RPS6KA6: variants seen among roughly 807,000 people sequenced by gnomAD.
RPS6KA6 encodes the protein ribosomal protein S6 kinase A6.
A neutral mutation model predicts 65.4 loss-of-function variants in RPS6KA6; 27 were observed. That is an observed-to-expected ratio of 0.41 (90% CI 0.30 to 0.57). The LOEUF (loss-of-function observed/expected upper bound fraction) is 0.57, where lower values mean the gene tolerates loss of function less well. Among genes scored for constraint, RPS6KA6 ranks in the 20% least tolerant of loss-of-function variants. The pLI, the probability that RPS6KA6 is intolerant of heterozygous loss-of-function variation, is 0.24. For missense variants in RPS6KA6, 486 were observed against 555.6 expected (o/e 0.87, Z 1.26); for synonymous variants, 190 against 184.2 (o/e 1.03, Z -0.26).
chrX:84,122,792 G>A (rs993857371), intron 8 of RPS6KA6, among the ~76,000 whole-genome samples: 49 of 111,218 alleles, frequency 4.4e-4, no homozygotes, highest in Non-Finnish European at 7.2e-4. Context: ...GCAATTCCTA[G>A]GCAACTACTA....
chrX:84,085,183 T>C (rs2033891641), intron 20 of RPS6KA6, among the ~76,000 whole-genome samples: 2 of 111,318 alleles, frequency 1.8e-5, no homozygotes, highest in African/African-American at 6.5e-5. Context: ...TGAATACCCT[T>C]TATTTTGTTC....
intron 2 of RPS6KA6, among the ~76,000 whole-genome samples, chrX:84,163,469 C>G (rs2035547137): frequency 9.5e-6 from 1 of 105,762 alleles, no homozygotes; most frequent in Non-Finnish European, 1.9e-5. Flanking sequence ...GAAACCCCGT[C>G]TCTACTAAAA....
At position 84,105,702 on chromosome X, in the gene RPS6KA6, G is replaced by A. The variant is rs927727806; in HGVS notation, c.1455+85C>T. ...GAGGCATGAAAATAAATATGCTAAA[G>A]ACATTAAAAGTTTCAATAAGAAAAA... is the stretch of plus-strand genomic sequence containing the variant. On this transcript the variant is annotated intron_variant, in intron 16 of 21. Coordinates refer to ENST00000262752, the MANE Select transcript of RPS6KA6 (RefSeq NM_014496.5). 21 of 513,084 alleles carry A rather than the reference G, an allele frequency of 4.1e-5. No homozygotes were observed. In the African/African-American group the frequency reaches 5.1e-4, roughly 12 times the overall value. The allele number at this position is 513,084 out of a possible 1,213,427, so 42.3% of individuals were successfully genotyped here.
intron 1 of RPS6KA6, among the ~76,000 whole-genome samples, chrX:84,174,422 A>T (rs771335540): frequency 1.8e-5 from 2 of 111,808 alleles, no homozygotes; most frequent in African/African-American, 3.3e-5. Flanking sequence ...GTTTCAAATC[A>T]ATTTAAAAGA....
chrX:84,111,163 T>A, intron 12 of RPS6KA6, among the ~76,000 whole-genome samples: 1 of 66,002 alleles, frequency 1.5e-5, no homozygotes, highest in East Asian at 3.0e-4. Context: ...AAATAATTTT[T>A]AAAAAATGAA....
At chrX:84,122,213 G>A (rs2034684015) in intron 8 of RPS6KA6, among the ~76,000 whole-genome samples, 1 of 111,223 alleles carries the variant, frequency 9.0e-6, no homozygotes, top group Non-Finnish European at 1.9e-5. Context: ...CATGCAGTGA[G>A]GAGAGTCTTT....
At chrX:84,098,340 C>A (rs1363609079) in intron 18 of RPS6KA6, among the ~76,000 whole-genome samples, 1 of 110,934 alleles carries the variant, frequency 9.0e-6, no homozygotes, top group Non-Finnish European at 1.9e-5. Context: ...TATATTTTAC[C>A]ATACAAGGTC....
chrX:84,120,920 C>T (rs1355056580), intron 8 of RPS6KA6, among the ~76,000 whole-genome samples: 1 of 111,908 alleles, frequency 8.9e-6, no homozygotes, highest in African/African-American at 3.2e-5. Flanking sequence ...TACTATAAAG[C>T]TACGGTAATC....
At chrX:84,072,642 T>C (rs2033570022) in intron 20 of RPS6KA6, among the ~76,000 whole-genome samples, 1 of 112,096 alleles carries the variant, frequency 8.9e-6, no homozygotes, top group African/African-American at 3.2e-5. Context: ...ATCTTATTTA[T>C]AGAAAACACT....
At chrX:84,065,167 T>C in intron 20 of RPS6KA6, 56 bp from the exon 21 acceptor site, 1 of 872,008 alleles carries the variant, frequency 1.1e-6, no homozygotes, top group Non-Finnish European at 1.6e-6. Flanking sequence ...TACATAATTT[T>C]ACATTTGCTG....
At chrX:84,186,994 C>T (rs1483739958) in intron 1 of RPS6KA6, 1 of 112,099 alleles carries the variant, frequency 8.9e-6, no homozygotes, top group African/African-American at 3.2e-5. Flanking sequence ...CCAACCAGAA[C>T]AGTTTCAGAG....
chrX:84,082,179 T>C (rs540743226), intron 20 of RPS6KA6, among the ~76,000 whole-genome samples: 2 of 111,915 alleles, frequency 1.8e-5, no homozygotes, highest in East Asian at 2.8e-4. Context: ...GATGACATTA[T>C]TGTATATTTA....
chrX:84,100,784 T>C (rs1602405848), intron 18 of RPS6KA6, among the ~76,000 whole-genome samples: 1 of 111,076 alleles, frequency 9.0e-6, no homozygotes, highest in Admixed American at 9.6e-5. Flanking sequence ...CATTATTTTA[T>C]GAATTTTATT....
At position 84,060,746 on chromosome X, in the gene RPS6KA6, G is replaced by C. The variant is rs940446181; in HGVS notation, c.*3531C>G. 9.0e-6 allele frequency: 1 copy of C among 111,364 alleles called. No individual in the cohort carries two copies. 9.2% of individuals were successfully genotyped at this position (111,364 alleles called of 1,213,427 possible). A position where few individuals can be genotyped will look rare whatever the true frequency, so the allele number is the denominator to read the frequency against. ...AGATACTCTGACCCTGGGACACACT[G>C]TTCCTTTCCCCCAAAATATTTTCCG... On this transcript the variant is annotated 3_prime_UTR_variant, in exon 22 of 22. Coordinates refer to ENST00000262752, the MANE Select transcript of RPS6KA6 (RefSeq NM_014496.5).
In RPS6KA6 at chrX:84,151,205, A is replaced by C. The variant is rs188478998; in HGVS notation, c.259-3082T>G. ...CTATATAGGATATATAGAGATATAG[A>C]TATATAGGATATATATAGATATAGA... On this transcript the variant is annotated intron_variant, in intron 3 of 21. Transcript: ENST00000262752. Among the ~76,000 whole-genome samples, 75 of 91,914 alleles carry C rather than the reference A, an allele frequency of 8.2e-4. 1 individual carries two copies. The highest frequency in any genetic ancestry group is 2.5e-3 in the African/African-American group (67 of 26,733). 79.8% of individuals were successfully genotyped at this position (91,914 alleles called of 115,157 possible). A position where few individuals can be genotyped will look rare whatever the true frequency, so the allele number is the denominator to read the frequency against.
chrX:84,183,119 T>C (rs2035881692), intron 1 of RPS6KA6, among the ~76,000 whole-genome samples: 1 of 112,134 alleles, frequency 8.9e-6, no homozygotes, highest in African/African-American at 3.2e-5. Flanking sequence ...TATCTCCCTA[T>C]ACTGCAAAGA....
chrX:84,103,624 A>C (rs2034298804), intron 17 of RPS6KA6, among the ~76,000 whole-genome samples: 1 of 111,326 alleles, frequency 9.0e-6, no homozygotes, highest in South Asian at 3.7e-4. Flanking sequence ...TTCATACAAT[A>C]ATAAAGAAGA....
chrX:84,088,557 G>GGT (rs750329163), intron 20 of RPS6KA6, among the ~76,000 whole-genome samples: 45 of 112,064 alleles, frequency 4.0e-4, no homozygotes, highest in Non-Finnish European at 7.5e-4. Flanking sequence ...TCCTGTAGGA[G>GGT]GTGTCTGGAG....
intron 20 of RPS6KA6, among the ~76,000 whole-genome samples, chrX:84,070,445 C>A (rs188473758): frequency 9.1e-6 from 1 of 110,054 alleles, no homozygotes; most frequent in Non-Finnish European, 1.9e-5. Flanking sequence ...CTAATGCTTG[C>A]GGGGCTTAAA....
Sources: allele counts gnomAD v4.1 joint callset (sites outside exome capture counted in the v4.1 genomes callset), GRCh38; gene constraint gnomAD v4.1.1; transcripts MANE v1.5; gene names NCBI Gene and HGNC (gene_info 2026-07-23, HGNC 2026-07-21).